The following SEL1L2 variants were observed in gnomAD, a reference collection of about 807,000 sequenced individuals.
SEL1L2 encodes protein sel-1 homolog 2.
SEL1L2 carries 89 observed loss-of-function variants against 98.8 expected under a neutral mutation model. The observed-to-expected ratio is 0.90, with a 90% confidence interval of 0.76 to 1.07. The LOEUF is 1.07. Ranked by LOEUF, SEL1L2 falls within the 50% of genes least tolerant of loss-of-function variation. The pLI is 0.00. For synonymous variants in SEL1L2, 262 were observed against 278.5 expected (o/e 0.94, Z 0.59); for missense variants, 788 against 812.0 (o/e 0.97, Z 0.36).
At chr20:13,904,285 T>C (rs1426576626) in intron 5 of SEL1L2, among the ~76,000 whole-genome samples, 1 of 152,140 alleles carries the variant, frequency 6.6e-6, no homozygotes, top group African/African-American at 2.4e-5. Flanking sequence ...TCCCAGCACT[T>C]TGGGAGGCCG....
At chr20:13,923,542 G>A (rs968312129) in intron 3 of SEL1L2, among the ~76,000 whole-genome samples, 2 of 152,136 alleles carry the variant, frequency 1.3e-5, no homozygotes, top group African/African-American at 2.4e-5. Context: ...GCCCAGGTGG[G>A]TGAATCACTT....
intron 5 of SEL1L2, among the ~76,000 whole-genome samples, chr20:13,910,007 A>G (rs1455955787): frequency 6.6e-6 from 1 of 152,096 alleles, no homozygotes; most frequent in Non-Finnish European, 1.5e-5. Flanking sequence ...ACAAACAACA[A>G]CAACAACAAA....
intron 11 of SEL1L2, among the ~76,000 whole-genome samples, chr20:13,877,132 A>T (rs1041724165): frequency 1.1e-4 from 16 of 152,118 alleles, no homozygotes; most frequent in African/African-American, 3.6e-4. Context: ...GCCAAGGTGC[A>T]CTTTTAAGGC....
chr20:13,855,158 T>G (rs1988951964), intron 18 of SEL1L2, among the ~76,000 whole-genome samples: 3 of 150,094 alleles, frequency 2.0e-5, no homozygotes, highest in Admixed American at 1.3e-4. Flanking sequence ...TGGGCATAAA[T>G]ATGGGGTAAG....
At chr20:13,954,053 GTGTGTA>G (rs1260799747) in intron 2 of SEL1L2, among the ~76,000 whole-genome samples, 3 of 152,000 alleles carry the variant, frequency 2.0e-5, no homozygotes, top group Non-Finnish European at 2.9e-5. Context: ...TTTTTTTCAT[GTGTGTA>G]TGTGTGTTTT....
intron 19 of SEL1L2, 61 bp from the exon 20 acceptor site, chr20:13,849,665 C>T: frequency 6.3e-7 from 1 of 1,584,138 alleles, no homozygotes; most frequent in East Asian, 2.2e-5. Context: ...CTCAGAGCCA[C>T]CATCTCTTCC....
At chr20:13,939,690 G>C (rs1159400375) in intron 2 of SEL1L2, among the ~76,000 whole-genome samples, 2 of 86,498 alleles carry the variant, frequency 2.3e-5, no homozygotes, top group East Asian at 6.1e-4. Context: ...TTTTGAGACA[G>C]AGTTTTGTTC....
chr20:13,913,810 G>C lies in SEL1L2; in HGVS notation c.521C>G (p.Ala174Gly), dbSNP rs1158001561. The change falls in exon 5 of 20, where the codon GCT (alanine) becomes GGT (glycine). Residue 174 changes from alanine (A) to glycine (G), a missense_variant. By Grantham distance (60) the Ala-to-Gly change is moderately conservative. Coordinates refer to ENST00000284951, the MANE Select transcript of SEL1L2 (RefSeq NM_025229.2). ...TAAIQLYESL[A>G]KEGSCKAQNA... ...TTGGGCTTTACATGATCCTTCTTTA[G>C]CCAAGGACTCATATAATTGGATAGC... The C allele has an allele frequency of 1.3e-6, 2 of 1,541,332 alleles. No homozygotes were observed. Among genetic ancestry groups the C allele is most frequent in the South Asian group, 2.6e-5 (2 of 76,732 alleles).
chr20:13,961,198 A>G (rs2148467758), intron 1 of SEL1L2, among the ~76,000 whole-genome samples: 1 of 152,284 alleles, frequency 6.6e-6, no homozygotes, highest in East Asian at 1.9e-4. Flanking sequence ...TTTCTACACC[A>G]TTGCCACTTC....
In SEL1L2 at chr20:13,850,182, C is replaced by T. The variant is rs1217677359; in HGVS notation, c.1947+9G>A. ...TCAGAGATTCAGGACCTGTTCAAGA[C>T]AAACTTACATTAAAAAACAGGATAT... On this transcript the variant is annotated intron_variant, in intron 19 of 19. Coordinates refer to ENST00000284951, the MANE Select transcript of SEL1L2 (RefSeq NM_025229.2). 4 of 1,613,446 alleles carry T rather than the reference C, an allele frequency of 2.5e-6. No homozygotes were observed. The highest frequency in any genetic ancestry group is 1.3e-5 in the African/African-American group (1 of 74,902).
At chr20:13,976,126 C>G (rs1488556332) in intron 1 of SEL1L2, among the ~76,000 whole-genome samples, 1 of 152,044 alleles carries the variant, frequency 6.6e-6, no homozygotes, top group Non-Finnish European at 1.5e-5. Flanking sequence ...CTCAGCCTCC[C>G]GAATAGCTGG....
At chr20:13,984,335 C>T (rs2052033673) in intron 1 of SEL1L2, among the ~76,000 whole-genome samples, 1 of 152,122 alleles carries the variant, frequency 6.6e-6, no homozygotes, top group African/African-American at 2.4e-5. Context: ...TCTGTTCATG[C>T]TTCTCCACTG....
chr20:13,877,585 C>T lies in SEL1L2; in HGVS notation c.961G>A (p.Ala321Thr). Residue 321 changes from alanine to threonine, a missense_variant, in exon 11 of 20, where the codon GCA becomes ACA. Physicochemically the swap from Ala to Thr is moderately conservative, Grantham distance 58. Transcript: ENST00000284951. ...RKGLDQDYYK[A>T]LHYFLKAAKA... is the part of the protein sequence containing the mutation. Reference sequence around the variant, plus strand: ...GCTGCCTTTAAGAAGTAGTGTAATGCTTTCTGGAGAGAAAAGGAACAGTGT... The same window carrying T: ...GCTGCCTTTAAGAAGTAGTGTAATGTTTTCTGGAGAGAAAAGGAACAGTGT... 3.1e-6 allele frequency: 5 copies of T among 1,612,344 alleles called. No homozygotes were observed. Among genetic ancestry groups the T allele is most frequent in the Non-Finnish European group, 4.2e-6 (5 of 1,178,700 alleles).
rs747288967 is a variant in SEL1L2 at position 13,865,355 on chromosome 20, C to G, written c.1564G>C (p.Glu522Gln). The stretch of plus-strand genomic sequence containing the variant: ...GAATTTTAACTCATCTTACTAGATT[C>G]CAAAATGAATGCTGAATTGCTTTGA... ...VAQSNSAFIL[E>Q]SKKANILEKE... Residue 522 changes from glutamate to glutamine, a missense_variant, in exon 16 of 20, where the codon GAA becomes CAA. Glu to Gln is a conservative substitution (Grantham distance 29). Coordinates refer to ENST00000284951, the MANE Select transcript of SEL1L2 (RefSeq NM_025229.2). 1.9e-6 allele frequency: 3 copies of G among 1,613,988 alleles called. No homozygotes were observed. The highest frequency in any genetic ancestry group is 2.5e-6 in the Non-Finnish European group (3 of 1,179,932).
intron 5 of SEL1L2, among the ~76,000 whole-genome samples, chr20:13,912,075 A>G (rs1210787688): frequency 6.6e-6 from 1 of 152,110 alleles, no homozygotes; most frequent in Non-Finnish European, 1.5e-5. Flanking sequence ...TAAATGTTAG[A>G]GATATAGCAG....
intron 18 of SEL1L2, among the ~76,000 whole-genome samples, chr20:13,856,939 G>A (rs974507841): frequency 1.3e-5 from 2 of 152,096 alleles, no homozygotes; most frequent in Non-Finnish European, 2.9e-5. Flanking sequence ...CTTAACTGCT[G>A]GGAAGGCCTA....
intron 18 of SEL1L2, 113 bp downstream of exon 18, chr20:13,859,149 C>G: frequency 1.2e-5 from 12 of 970,688 alleles, no homozygotes; most frequent in Non-Finnish European, 1.7e-5. Context: ...AATGTTAAGT[C>G]CTCTCCTTCC....
intron 5 of SEL1L2, among the ~76,000 whole-genome samples, chr20:13,907,168 A>G (rs2047968792): frequency 6.6e-6 from 1 of 152,240 alleles, no homozygotes; most frequent in Admixed American, 6.5e-5. Context: ...ATTTTAAACT[A>G]TGTAACCAAG....
intron 1 of SEL1L2, among the ~76,000 whole-genome samples, chr20:13,986,523 T>C (rs1488249014): frequency 1.3e-5 from 2 of 152,206 alleles, no homozygotes; most frequent in African/African-American, 2.4e-5. Context: ...GCTTTTTTCA[T>C]GTAGCACAAT....
Sources: gnomAD v4.1 joint callset for allele counts (sites outside exome capture counted in the v4.1 genomes callset) on GRCh38, gnomAD v4.1.1 for gene constraint, MANE v1.5 for transcripts, NCBI Gene and HGNC (gene_info 2026-07-23, HGNC 2026-07-21) for gene names.